LYRM7: variants seen among roughly 807,000 people sequenced by gnomAD.
LYRM7 encodes complex III assembly factor LYRM7.
Under a neutral mutation model 15.8 loss-of-function variants are expected in LYRM7, and 9 were observed. The ratio of observed to expected loss-of-function variants is 0.57; its 90% CI spans 0.34 to 0.99. The LOEUF (loss-of-function observed/expected upper bound fraction) is 0.99, where lower values mean the gene tolerates loss of function less well. Ranked by LOEUF, LYRM7 falls within the 50% of genes least tolerant of loss-of-function variation. The pLI is 0.02. For synonymous variants in LYRM7, 39 were observed against 39.4 expected (o/e 0.99, Z 0.04); for missense variants, 115 against 119.1 (o/e 0.97, Z 0.16).
rs541936527 is a variant in LYRM7, at chr5:131,204,953, T to C, written c.*5352T>C. On this transcript the variant is annotated 3_prime_UTR_variant, in exon 5 of 5. Coordinates refer to ENST00000379380, the MANE Select transcript of LYRM7 (RefSeq NM_181705.4). ...CTGCACGTTTAAATATTGTTTACAG[T>C]GAGTATATCAACATGTAAGTGTTAA... 7 of 152,310 alleles carry C rather than the reference T, an allele frequency of 4.6e-5. No individual in the cohort carries two copies. Among genetic ancestry groups the C allele is most frequent in the Non-Finnish European group, 8.8e-5 (6 of 68,018 alleles). 9.4% of individuals were successfully genotyped at this position (152,310 alleles called of 1,614,324 possible).
In LYRM7 at chr5:131,201,850, T is replaced by A. The variant is rs960551403; in HGVS notation, c.*2249T>A. On this transcript the variant is annotated 3_prime_UTR_variant, in exon 5 of 5. Coordinates refer to ENST00000379380, the MANE Select transcript of LYRM7 (RefSeq NM_181705.4). ...CATATGCTAATTTATTTATTTATTT[T>A]TTGAGATTGAGTTCTGCTGTGTCAC... 6.6e-5 allele frequency: 10 copies of A among 152,228 alleles called. No individual in the cohort carries two copies. Among genetic ancestry groups the A allele is most frequent in the Non-Finnish European group, 1.0e-4 (7 of 68,052 alleles). 9.4% of individuals were successfully genotyped at this position (152,228 alleles called of 1,614,324 possible).
In LYRM7 at chr5:131,192,044, C is replaced by T. The variant is rs927057348; in HGVS notation, c.244+4935C>T. 5.3e-3 allele frequency among the ~76,000 whole-genome samples: 487 copies of T among 91,084 alleles called. 6 individuals are homozygous for T. The highest frequency in any genetic ancestry group is 0.034 in the African/African-American group (450 of 13,162). The allele number at this position is 91,084 out of a possible 152,430, so 59.8% of individuals were successfully genotyped here. ...AAAATGTGGTGCATACACACACACACACACACACACACACACACACACACA... is the reference window on the plus strand; with the variant it reads ...AAAATGTGGTGCATACACACACACATACACACACACACACACACACACACA... On this transcript the variant is annotated intron_variant, in intron 4 of 4. Transcript: ENST00000379380.
intron 1 of LYRM7, chr5:131,171,862 A>G (rs568129219): frequency 6.6e-6 from 1 of 152,348 alleles, no homozygotes; most frequent in South Asian, 2.1e-4. Context: ...CACAGCACCA[A>G]TAGAAACAGA....
chr5:131,196,268 C>T (rs1285568429), intron 4 of LYRM7, among the ~76,000 whole-genome samples: 1 of 151,908 alleles, frequency 6.6e-6, no homozygotes, highest in African/African-American at 2.4e-5. Flanking sequence ...CCAACCACCT[C>T]GGCCTCCTAA....
rs1260523734 is a variant in LYRM7 at position 131,200,806 on chromosome 5, T to C, written c.*1205T>C. On this transcript the variant is annotated 3_prime_UTR_variant, in exon 5 of 5. Coordinates refer to ENST00000379380, the MANE Select transcript of LYRM7 (RefSeq NM_181705.4). ...TCTATATGACATATTTTGAGGAAAG[T>C]TGGCTGACGTTATTTAAATTTAATA... is the stretch of plus-strand genomic sequence containing the variant. 6.6e-6 allele frequency: 1 copy of C among 151,774 alleles called. No individual in the cohort carries two copies. Among genetic ancestry groups the C allele is most frequent in the African/African-American group, 2.4e-5 (1 of 41,012 alleles). The allele number at this position is 151,774 out of a possible 1,614,324, so 9.4% of individuals were successfully genotyped here.
chr5:131,172,369 C>T (rs560448884), intron 1 of LYRM7, among the ~76,000 whole-genome samples: 5 of 152,248 alleles, frequency 3.3e-5, no homozygotes, highest in South Asian at 4.1e-4. Flanking sequence ...GCCGAGACTG[C>T]GCCACTACAC....
At chr5:131,175,740 GC>G (rs201243336) in intron 1 of LYRM7, among the ~76,000 whole-genome samples, 1,584 of 149,384 alleles carry the variant, frequency 0.011, 30 homozygotes, top group African/African-American at 0.038. Context: ...TGGCCATGTT[GC>G]CCAGGCTGGT....
intron 1 of LYRM7, 88 bp downstream of exon 1, chr5:131,171,126 C>T: frequency 7.6e-7 from 1 of 1,312,286 alleles, no homozygotes; most frequent in Non-Finnish European, 1.0e-6. Context: ...TCTCTGGAGG[C>T]TGGGGCTCCT....
intron 1 of LYRM7, among the ~76,000 whole-genome samples, chr5:131,173,488 G>A (rs1231114359): frequency 2.0e-5 from 3 of 152,224 alleles, no homozygotes; most frequent in Non-Finnish European, 4.4e-5. Flanking sequence ...GCTCACGCCT[G>A]TAATCCCAGC....
At chr5:131,182,334 A>T in intron 3 of LYRM7, 35 bp downstream of exon 3, 1 of 1,324,408 alleles carries the variant, frequency 7.6e-7, no homozygotes, top group Non-Finnish European at 1.0e-6. Flanking sequence ...TAAAACTTAT[A>T]CAATTATCTT....
At chr5:131,180,936 G>T (rs576703070) in intron 2 of LYRM7, among the ~76,000 whole-genome samples, 1 of 152,044 alleles carries the variant, frequency 6.6e-6, no homozygotes, top group East Asian at 1.9e-4. Context: ...GTGGACCTGG[G>T]ATTTAGTCTA....
Position 131,181,349 on chromosome 5 carries a change from T to TTATA in LYRM7, c.92-872_92-869dup, listed in dbSNP as rs545785759. Reference sequence around the variant, plus strand: ...CACACACATATATATAACATATATGTTATATATATATTAACATATATATGT... The same window carrying TTATA: ...CACACACATATATATAACATATATGTTATATATATATATATTAACATATATATGT... On this transcript the variant is annotated intron_variant, in intron 2 of 4. Transcript: ENST00000379380. Among the ~76,000 whole-genome samples, 81 of 42,118 alleles carry TTATA rather than the reference T, an allele frequency of 1.9e-3. 10 individuals carry two copies. The highest frequency in any genetic ancestry group is 0.013 in the Middle Eastern group (1 of 80). 27.6% of individuals were successfully genotyped at this position (42,118 alleles called of 152,430 possible).
At chr5:131,195,824 C>T (rs1035962423) in intron 4 of LYRM7, among the ~76,000 whole-genome samples, 1 of 152,130 alleles carries the variant, frequency 6.6e-6, no homozygotes, top group Non-Finnish European at 1.5e-5. Context: ...CACCCCTGGG[C>T]CCCTAAACTC....
At position 131,199,510 on chromosome 5, in the gene LYRM7, T is replaced by C. The variant is rs759569435; in HGVS notation, c.245-21T>C. 2.1e-5 allele frequency: 32 copies of C among 1,501,558 alleles called. No individual in the cohort carries two copies. In the East Asian group the frequency reaches 6.6e-4, roughly 31 times the overall value. The allele number at this position is 1,501,558 out of a possible 1,614,324, so 93.0% of individuals were successfully genotyped here. On this transcript the variant is annotated intron_variant, in intron 4 of 4. Transcript: ENST00000379380. ...CTAATTTTAGTGATGTTAATTATTC[T>C]CTTTTTTTTTTTTCTTTCAGAACTG...
intron 4 of LYRM7, among the ~76,000 whole-genome samples, chr5:131,197,093 C>T (rs1382950080): frequency 6.6e-6 from 1 of 152,146 alleles, no homozygotes; most frequent in Non-Finnish European, 1.5e-5. Flanking sequence ...TTTCCATTCT[C>T]CCATAAAAGT....
intron 3 of LYRM7, among the ~76,000 whole-genome samples, chr5:131,185,363 C>T (rs1323771660): frequency 6.6e-6 from 1 of 152,058 alleles, no homozygotes; most frequent in Non-Finnish European, 1.5e-5. Context: ...TTGAATTTAC[C>T]AAAAAGTTTC....
intron 4 of LYRM7, among the ~76,000 whole-genome samples, chr5:131,188,375 A>G (rs1031345094): frequency 1.2e-4 from 18 of 151,468 alleles, no homozygotes; most frequent in Non-Finnish European, 2.2e-4. Context: ...AAAATGAAAT[A>G]CCCATGTAAC....
At chr5:131,188,884 C>T (rs1755838459) in intron 4 of LYRM7, among the ~76,000 whole-genome samples, 1 of 152,286 alleles carries the variant, frequency 6.6e-6, no homozygotes, top group South Asian at 2.1e-4. Flanking sequence ...CAGTGGCTCA[C>T]ACCTGTAATC....
chr5:131,178,192 G>T (rs1241727173), intron 1 of LYRM7, among the ~76,000 whole-genome samples: 1 of 152,106 alleles, frequency 6.6e-6, no homozygotes, highest in Non-Finnish European at 1.5e-5. Context: ...ACTTAAAATG[G>T]TGTCTAGCAC....
Sources: allele counts gnomAD v4.1 joint callset (sites outside exome capture counted in the v4.1 genomes callset), GRCh38; gene constraint gnomAD v4.1.1; transcripts MANE v1.5; gene names NCBI Gene and HGNC (gene_info 2026-07-23, HGNC 2026-07-21).